The following NBEA variants were observed in gnomAD, a reference collection of about 807,000 sequenced individuals.
NBEA encodes the protein neurobeachin, also known as lysosomal-trafficking regulator 2.
Under a neutral mutation model 343.4 loss-of-function variants are expected in NBEA, and 44 were observed. The observed-to-expected ratio is 0.13, with a 90% confidence interval of 0.10 to 0.16. The LOEUF (loss-of-function observed/expected upper bound fraction) is 0.16. NBEA is among the 10% of genes least tolerant of loss of function. The pLI, the probability that NBEA is intolerant of heterozygous loss-of-function variation, is 1.00. For synonymous variants in NBEA, 1,175 were observed against 1,238.7 expected, an observed-to-expected ratio of 0.95 and a Z score of 1.08; for missense variants, 2,555 against 3,631.3, an observed-to-expected ratio of 0.70 and a Z score of 7.62.
intron 38 of NBEA, among the ~76,000 whole-genome samples, chr13:35,359,263 C>A (rs552962580): frequency 1.3e-5 from 2 of 152,190 alleles, no homozygotes; most frequent in East Asian, 3.9e-4. Flanking sequence ...TCTATAGCAT[C>A]CCTTGGCTTT....
Position 35,566,707 on chromosome 13 carries a change from T to C in NBEA, c.6923-198T>C, listed in dbSNP as rs757687034. On this transcript the variant is annotated intron_variant, in intron 44 of 58. Coordinates refer to ENST00000379939, the MANE Select transcript of NBEA (RefSeq NM_001385012.1). The stretch of plus-strand genomic sequence containing the variant: ...GCCAGTAGCCTCTATCACAGTCTTA[T>C]AAATAGTAATTCTAGTTACGTCTTA... Among the ~76,000 whole-genome samples the C allele has an allele frequency of 4.1e-4, 63 of 152,312 alleles. 2 individuals are homozygous for C. The South Asian group carries it at 6.8e-3, about 17-fold the overall frequency.
chr13:35,232,557 A>C lies in NBEA; in HGVS notation c.5714A>C (p.Asp1905Ala). 6.4e-7 allele frequency: 1 copy of C among 1,556,058 alleles called. No individual in the cohort carries two copies. The highest frequency in any genetic ancestry group is 8.7e-7 in the Non-Finnish European group (1 of 1,148,426). ...VAPLLREIFV[D>A]FAPFLSRTLL... ...CCTCTTCTTCGTGAAATTTTTGTAG[A>C]CTTTGCCCCATTCCTATCTCGTACA... The change falls in exon 34 of 59, where the codon GAC (aspartate) becomes GCC (alanine). Residue 1905 changes from aspartate to alanine, a missense_variant. By Grantham distance (126) the Asp-to-Ala change is moderately radical. Transcript: ENST00000379939.
rs188973602 is a variant in NBEA at position 35,554,003 on chromosome 13, G to A, written c.6807-984G>A. On this transcript the variant is annotated intron_variant, in intron 43 of 58. Transcript: ENST00000379939. ...CAGTGTGGAACAGGAAATGAGTGTG[G>A]TGGTGTCAGATCTGATTCCAAGGTT... Among the ~76,000 whole-genome samples, 212 of 152,236 alleles carry A rather than the reference G, an allele frequency of 1.4e-3. 1 individual carries two copies. The highest frequency in any genetic ancestry group is 1.3e-3 in the Non-Finnish European group (89 of 67,996).
At chr13:34,998,439 C>T (rs1339067358) in intron 1 of NBEA, among the ~76,000 whole-genome samples, 1 of 152,182 alleles carries the variant, frequency 6.6e-6, no homozygotes, top group Non-Finnish European at 1.5e-5. Context: ...GGAATTTCCT[C>T]ATCCTAATAA....
intron 28 of NBEA, among the ~76,000 whole-genome samples, chr13:35,178,484 A>T (rs2071070814): frequency 6.6e-6 from 1 of 151,684 alleles, no homozygotes; most frequent in African/African-American, 2.4e-5. Flanking sequence ...AATGATCATG[A>T]TATATTTTAA....
At position 35,058,849 on chromosome 13, in the gene NBEA, G is replaced by A; in HGVS notation, c.1225G>A (p.Gly409Arg). ...PAQIFAIHQL[G>R]PGYKSTFKFK... ...ACAGATATTTGCAATTCATCAGTTAGGACCTGGATATAAGGTAGTAATAAC... is the reference window on the plus strand; with the variant it reads ...ACAGATATTTGCAATTCATCAGTTAAGACCTGGATATAAGGTAGTAATAAC... The change falls in exon 8 of 59, where the codon GGA becomes AGA. Residue 409 changes from glycine (G) to arginine (R), a missense_variant. Physicochemically the swap from Gly to Arg is moderately radical, Grantham distance 125. Around this residue, in one of 21 missense-constraint regions of NBEA, gnomAD observed 75 missense variants for 237.4 expected, o/e 0.32. Transcript: ENST00000379939. 6.2e-7 allele frequency: 1 copy of A among 1,604,884 alleles called. No individual in the cohort carries two copies. Among genetic ancestry groups the A allele is most frequent in the Non-Finnish European group, 8.5e-7 (1 of 1,175,558 alleles).
chr13:35,453,060 C>T (rs1400652125), intron 40 of NBEA, among the ~76,000 whole-genome samples: 1 of 152,120 alleles, frequency 6.6e-6, no homozygotes, highest in Non-Finnish European at 1.5e-5. Context: ...TGGCAGGTGG[C>T]AATAGAGAGG....
intron 17 of NBEA, among the ~76,000 whole-genome samples, chr13:35,131,318 C>G (rs1432156968): frequency 1.3e-5 from 2 of 152,070 alleles, no homozygotes; most frequent in Non-Finnish European, 2.9e-5. Context: ...TCAATCTCCC[C>G]TATGAACATG....
intron 31 of NBEA, among the ~76,000 whole-genome samples, 163 bp from the exon 32 acceptor site, chr13:35,208,537 T>C (rs767762292): frequency 1.3e-5 from 2 of 152,202 alleles, no homozygotes; most frequent in Non-Finnish European, 1.5e-5. Context: ...TTAATGTCCA[T>C]ATCCTTTCCA....
At chr13:35,494,827 T>A (rs1223343669) in intron 41 of NBEA, among the ~76,000 whole-genome samples, 1 of 151,758 alleles carries the variant, frequency 6.6e-6, no homozygotes, top group Non-Finnish European at 1.5e-5. Flanking sequence ...CTGGGCAACA[T>A]GGCAAAACTC....
At chr13:35,374,355 A>C (rs1464629444) in intron 38 of NBEA, among the ~76,000 whole-genome samples, 1 of 152,250 alleles carries the variant, frequency 6.6e-6, no homozygotes, top group Non-Finnish European at 1.5e-5. Flanking sequence ...CAGTAGTAGC[A>C]TCAAAGATCA....
intron 45 of NBEA, among the ~76,000 whole-genome samples, chr13:35,574,445 A>G (rs982561731): frequency 7.2e-5 from 11 of 151,972 alleles, no homozygotes; most frequent in Admixed American, 3.9e-4. Flanking sequence ...AACTCTCCCT[A>G]TTATCCAGTA....
At chr13:35,475,425 C>T in intron 41 of NBEA, 1 of 1,613,574 alleles carries the variant, frequency 6.2e-7, no homozygotes, top group Non-Finnish European at 8.5e-7. Context: ...GCAGTCTGTT[C>T]TCTGCCTCCG....
At chr13:34,993,391 A>G (rs972305487) in intron 1 of NBEA, among the ~76,000 whole-genome samples, 4 of 152,246 alleles carry the variant, frequency 2.6e-5, no homozygotes, top group African/African-American at 9.6e-5. Context: ...TGTAAGATGT[A>G]TAATGCAGTA....
intron 53 of NBEA, among the ~76,000 whole-genome samples, chr13:35,654,319 A>G (rs1593483997): frequency 1.3e-5 from 2 of 152,178 alleles, no homozygotes; most frequent in East Asian, 1.9e-4. Context: ...TCTGTTGACA[A>G]TCCAGGCCTG....
chr13:35,001,673 G>T lies in NBEA; in HGVS notation c.295-39260G>T, dbSNP rs149254102. ...TAGCAGTTCCTGGAGGCTGGGAAAG[G>T]GAGGAAGGATAGGAAGAGATTGGTA... is the stretch of plus-strand genomic sequence containing the variant. On this transcript the variant is annotated intron_variant, in intron 1 of 58. Coordinates refer to ENST00000379939, the MANE Select transcript of NBEA (RefSeq NM_001385012.1). 4.0e-3 allele frequency among the ~76,000 whole-genome samples: 613 copies of T among 152,226 alleles called. 2 individuals are homozygous for T. Among genetic ancestry groups the T allele is most frequent in the African/African-American group, 0.014 (587 of 41,548 alleles).
chr13:35,452,756 A>G (rs948991334), intron 40 of NBEA, among the ~76,000 whole-genome samples: 1 of 152,166 alleles, frequency 6.6e-6, no homozygotes, highest in African/African-American at 2.4e-5. Flanking sequence ...GTCATGATAT[A>G]TGTCTGAGAT....
intron 1 of NBEA, among the ~76,000 whole-genome samples, chr13:35,032,789 C>T (rs1197321860): frequency 6.6e-6 from 1 of 151,636 alleles, no homozygotes; most frequent in African/African-American, 2.4e-5. Flanking sequence ...GCCCATTTGC[C>T]ATTTGTATAT....
intron 38 of NBEA, among the ~76,000 whole-genome samples, chr13:35,400,432 A>G (rs960587742): frequency 6.6e-6 from 1 of 151,940 alleles, no homozygotes; most frequent in Non-Finnish European, 1.5e-5. Flanking sequence ...ACTCAGAAAA[A>G]TTATCTTATT....
Sources: allele counts gnomAD v4.1 joint callset (sites outside exome capture counted in the v4.1 genomes callset), GRCh38; gene constraint gnomAD v4.1.1; regional missense constraint gnomAD v4.1.1; transcripts MANE v1.5; gene names NCBI Gene and HGNC (gene_info 2026-07-23, HGNC 2026-07-21).